Variants in PLPPR3 observed in about 807,000 individuals in gnomAD.
The protein encoded by PLPPR3 is phospholipid phosphatase related 3, also known as phospholipid phosphatase-related protein type 3.
In PLPPR3, 14 loss-of-function variants were observed where a neutral mutation model predicts 27.3. The ratio of observed to expected loss-of-function variants is 0.51; its 90% CI spans 0.34 to 0.80. The LOEUF is 0.80. PLPPR3 is among the 30% of genes least tolerant of loss of function. The pLI, the probability that PLPPR3 is intolerant of heterozygous loss-of-function variation, is 0.01. For missense variants in PLPPR3, 1,287 were observed against 1,056.9 expected (o/e 1.22, Z -3.02); for synonymous variants, 671 against 508.0 (o/e 1.32, Z -4.32).
chr19:818,277 G>A lies in PLPPR3; in HGVS notation c.76-2426C>T, dbSNP rs557001597. Among the ~76,000 whole-genome samples the A allele has an allele frequency of 2.6e-5, 4 of 152,002 alleles. 1 individual carries two copies. Among genetic ancestry groups the A allele is most frequent in the East Asian group, 1.9e-4 (1 of 5,174 alleles). On this transcript the variant is annotated intron_variant, in intron 2 of 7. Coordinates refer to ENST00000520876, the MANE Select transcript of PLPPR3 (RefSeq NM_001270366.2). Reference sequence around the variant, plus strand: ...GCGTGCCTGTAGTCTCAGCTACTCCGGAGGCTAAGGTGGGAGAATCGTTTG... The same window carrying A: ...GCGTGCCTGTAGTCTCAGCTACTCCAGAGGCTAAGGTGGGAGAATCGTTTG...
intron 2 of PLPPR3, among the ~76,000 whole-genome samples, chr19:818,016 A>G (rs752043484): frequency 6.6e-6 from 1 of 151,810 alleles, no homozygotes; most frequent in Non-Finnish European, 1.5e-5. Flanking sequence ...TATCAGCATG[A>G]TTTTGCTGGG....
At chr19:818,387 A>C (rs905397787) in intron 2 of PLPPR3, among the ~76,000 whole-genome samples, 5 of 151,900 alleles carry the variant, frequency 3.3e-5, no homozygotes, top group Non-Finnish European at 7.4e-5. Context: ...CATCTCAAAA[A>C]ATAATAATAA....
rs1332242683 is a variant in PLPPR3, at chr19:819,257, G to A, written c.75+2228C>T. On this transcript the variant is annotated intron_variant, in intron 2 of 7. Coordinates refer to ENST00000520876, the MANE Select transcript of PLPPR3 (RefSeq NM_001270366.2). ...CTCCCAAAGTGCTGGGATGACAGGC[G>A]TGAGCCACTGCACCCAGCCTACTTT... 3.1e-5 allele frequency among the ~76,000 whole-genome samples: 3 copies of A among 96,566 alleles called. 1 individual carries two copies. The highest frequency in any genetic ancestry group is 5.7e-5 in the Non-Finnish European group (3 of 52,228). The allele number at this position is 96,566 out of a possible 152,430, so 63.4% of individuals were successfully genotyped here.
Position 814,537 on chromosome 19 carries a change from A to G in PLPPR3, c.728T>C (p.Ile243Thr). 6.2e-7 allele frequency: 1 copy of G among 1,612,066 alleles called. No individual in the cohort carries two copies. Among genetic ancestry groups the G allele is most frequent in the Non-Finnish European group, 8.5e-7 (1 of 1,179,966 alleles). Residue 243 changes from isoleucine to threonine, a missense_variant, in exon 7 of 8, where the codon ATC becomes ACC. Physicochemically the swap from Ile to Thr is moderately conservative, Grantham distance 89. Transcript: ENST00000520876. ...LKPILVFAFA[I>T]AAGVCGLTQI... Reference sequence around the variant, plus strand: ...CGTGAGCCCGCATACGCCCGCGGCGATGGCAAAGGCGAAGACCAGGATGGG... The same window carrying G: ...CGTGAGCCCGCATACGCCCGCGGCGGTGGCAAAGGCGAAGACCAGGATGGG...
Position 812,537 on chromosome 19 carries a change from G to C in PLPPR3, c.*33C>G, listed in dbSNP as rs1243218707. On this transcript the variant is annotated 3_prime_UTR_variant, in exon 8 of 8. Coordinates refer to ENST00000520876, the MANE Select transcript of PLPPR3 (RefSeq NM_001270366.2). Reference sequence around the variant, plus strand: ...ATCCGCGCGGCCGCCCGCGCCCTCGGCCCGCCCCCCGCCCGCCCCCGGCCC... The same window carrying C: ...ATCCGCGCGGCCGCCCGCGCCCTCGCCCCGCCCCCCGCCCGCCCCCGGCCC... The C allele has an allele frequency of 4.1e-6, 4 of 965,718 alleles. No individual in the cohort carries two copies. The Admixed American group carries it at 1.9e-4, about 45-fold the overall frequency. 59.8% of individuals were successfully genotyped at this position (965,718 alleles called of 1,614,324 possible). A position where few individuals can be genotyped will look rare whatever the true frequency, so the allele number is the denominator to read the frequency against.
In PLPPR3 at chr19:814,415, A is replaced by G; in HGVS notation, c.831+19T>C. Reference sequence around the variant, plus strand: ...CCCCTGGGAACCCATGCCGACCCCCATCAGAACCTGCCACTCACCAGGTAG... The same window carrying G: ...CCCCTGGGAACCCATGCCGACCCCCGTCAGAACCTGCCACTCACCAGGTAG... On this transcript the variant is annotated intron_variant, in intron 7 of 7. Coordinates refer to ENST00000520876, the MANE Select transcript of PLPPR3 (RefSeq NM_001270366.2). The G allele has an allele frequency of 6.3e-7, 1 of 1,584,688 alleles. No individual in the cohort carries two copies. The highest frequency in any genetic ancestry group is 1.1e-5 in the South Asian group (1 of 88,614).
At chr19:821,708 G>A in intron 1 of PLPPR3, 123 bp from the exon 2 acceptor site, 1 of 460,782 alleles carries the variant, frequency 2.2e-6, no homozygotes, top group Non-Finnish European at 3.7e-6. Context: ...CGGCGTCCGC[G>A]TGGCCTCCCC....
intron 2 of PLPPR3, among the ~76,000 whole-genome samples, chr19:818,751 T>C (rs146447071): frequency 0.48 from 72,882 of 151,552 alleles, 18,028 homozygotes; most frequent in African/African-American, 0.61. Flanking sequence ...GCCAGGATGG[T>C]CTCGATCTCC....
rs1568284813 is a variant in PLPPR3, at chr19:814,939, G to A, written c.546C>T (p.Tyr182=). ...GGCCGGAGCAGATGTCCTGCGTGAT[G>A]TAGGGGTTGACCTCGCAGGACGTGC... The part of the protein sequence containing the change: ...LLGTSCEVNP[Y]ITQDICSGHD... Residue 182 remains tyrosine (Y), a synonymous_variant, in exon 5 of 8, where the codon TAC becomes TAT. Coordinates refer to ENST00000520876, the MANE Select transcript of PLPPR3 (RefSeq NM_001270366.2). 5 of 1,612,426 alleles carry A rather than the reference G, an allele frequency of 3.1e-6. No individual in the cohort carries two copies. Among genetic ancestry groups the A allele is most frequent in the Middle Eastern group, 1.7e-4 (1 of 6,060 alleles).
Position 815,033 on chromosome 19 carries a change from A to G in PLPPR3, c.452T>C (p.Ile151Thr), listed in dbSNP as rs1027384656. The change falls in exon 5 of 8, where the codon ATC becomes ACC. Residue 151 changes from isoleucine (I) to threonine (T), a missense_variant. Physicochemically the swap from Ile to Thr is moderately conservative, Grantham distance 89 (BLOSUM62 -1). Coordinates refer to ENST00000520876, the MANE Select transcript of PLPPR3 (RefSeq NM_001270366.2). ...AGTGTGGTAACCCGTGGCCAGCTGG[A>G]TCACGTCCGTCACCAGGGCTGTGGC... is the stretch of plus-strand genomic sequence containing the variant. ...LCATALVTDV[I>T]QLATGYHTPF... The G allele has an allele frequency of 1.2e-6, 2 of 1,609,936 alleles. No individual in the cohort carries two copies. The highest frequency in any genetic ancestry group is 8.5e-7 in the Non-Finnish European group (1 of 1,179,908).
chr19:812,552 GC>G lies in PLPPR3; in HGVS notation c.*17del, dbSNP rs918740868. On this transcript the variant is annotated 3_prime_UTR_variant, in exon 8 of 8. Coordinates refer to ENST00000520876, the MANE Select transcript of PLPPR3 (RefSeq NM_001270366.2). ...CGCGCCCTCGGCCCGCCCCCCGCCC[GC>G]CCCCGGCCCCGCCGCGCTAGTCGGG... The G allele has an allele frequency of 2.5e-5, 9 of 365,790 alleles. No homozygotes were observed. The East Asian group carries it at 6.9e-4, about 28-fold the overall frequency. 22.7% of individuals were successfully genotyped at this position (365,790 alleles called of 1,614,324 possible).
chr19:821,424 GTC>G, intron 2 of PLPPR3, 59 bp downstream of exon 2: 2 of 1,442,980 alleles, frequency 1.4e-6, no homozygotes, highest in Non-Finnish European at 1.9e-6. Flanking sequence ...CAGCGCGGGG[GTC>G]TCTGCGGGCG....
Position 813,961 on chromosome 19 carries a change from G to T in PLPPR3, c.832-66C>A. Reference sequence around the variant, plus strand: ...GAGGGCTCCTCCCCTGTGATCGTTGGACTTGCCGCGGGGGGCTCTGGACCG... The same window carrying T: ...GAGGGCTCCTCCCCTGTGATCGTTGTACTTGCCGCGGGGGGCTCTGGACCG... On this transcript the variant is annotated intron_variant, in intron 7 of 7. Coordinates refer to ENST00000520876, the MANE Select transcript of PLPPR3 (RefSeq NM_001270366.2). This position sits in a 1 kb window ranked among gnomAD's most constrained non-coding sequence, Gnocchi z 4.1. 10 of 1,405,112 alleles carry T rather than the reference G, an allele frequency of 7.1e-6. No individual in the cohort carries two copies. Among genetic ancestry groups the T allele is most frequent in the Non-Finnish European group, 8.3e-6 (9 of 1,086,776 alleles). 87.0% of individuals were successfully genotyped at this position (1,405,112 alleles called of 1,614,324 possible). A position where few individuals can be genotyped will look rare whatever the true frequency, so the allele number is the denominator to read the frequency against.
intron 2 of PLPPR3, among the ~76,000 whole-genome samples, chr19:820,144 G>C (rs1427793044): frequency 6.6e-6 from 1 of 151,760 alleles, no homozygotes; most frequent in East Asian, 1.9e-4. Context: ...CACCACCCCA[G>C]CCTTAAGTTA....
intron 2 of PLPPR3, among the ~76,000 whole-genome samples, chr19:821,258 C>T (rs1314398263): frequency 2.0e-5 from 3 of 149,964 alleles, no homozygotes; most frequent in Non-Finnish European, 4.4e-5. Context: ...AGCACCTGCC[C>T]ACAGTTCCCA....
chr19:815,130 G>T (rs769846213), intron 4 of PLPPR3, 49 bp from the exon 5 acceptor site: 3 of 1,600,136 alleles, frequency 1.9e-6, no homozygotes, highest in Middle Eastern at 1.7e-4. Flanking sequence ...ACCCGGGACA[G>T]CCCCACCCCC....
rs750475202 is a variant in PLPPR3, at chr19:815,838, G to A, written c.89C>T (p.Ala30Val). The part of the protein sequence containing the change: ...CFYFVELPIV[A>V]SSIVSLYFLE... ...GAAGTACAAGGATACGATGGAAGAA[G>A]CCACTATGGGCAGCTGTGGGGACAA... Residue 30 changes from alanine to valine, a missense_variant, in exon 3 of 8, where the codon GCT becomes GTT. Coordinates refer to ENST00000520876, the MANE Select transcript of PLPPR3 (RefSeq NM_001270366.2). 5 of 1,612,556 alleles carry A rather than the reference G, an allele frequency of 3.1e-6. No homozygotes were observed. The highest frequency in any genetic ancestry group is 1.7e-5 in the Admixed American group (1 of 59,966).
chr19:813,021 T>G lies in PLPPR3; in HGVS notation c.1706A>C (p.Tyr569Ser), dbSNP rs1258301051. Residue 569 changes from tyrosine to serine, a missense_variant, in exon 8 of 8, where the codon TAC becomes TCC. Physicochemically the swap from Tyr to Ser is moderately radical, Grantham distance 144. Coordinates refer to ENST00000520876, the MANE Select transcript of PLPPR3 (RefSeq NM_001270366.2). The surrounding 1 kb of genome is among the most constrained non-coding windows in gnomAD (Gnocchi z 4.1). ...GGAGTCGCGGTCCGACGGCGACCGG[T>G]ACTGCGAGGAGTCGGAGCTGGCGCT... is the stretch of plus-strand genomic sequence containing the variant. Reference protein sequence around the residue: ...SSSASSDSSQYRSPSDRDSAS... With the variant: ...SSSASSDSSQSRSPSDRDSAS... The G allele has an allele frequency of 6.6e-7, 1 of 1,519,496 alleles. No individual in the cohort carries two copies. The highest frequency in any genetic ancestry group is 1.2e-5 in the South Asian group (1 of 83,890). The allele number at this position is 1,519,496 out of a possible 1,614,324, so 94.1% of individuals were successfully genotyped here. A position where few individuals can be genotyped will look rare whatever the true frequency, so the allele number is the denominator to read the frequency against.
Position 815,075 on chromosome 19 carries a change from T to C in PLPPR3, c.410A>G (p.His137Arg), listed in dbSNP as rs1225126225. The change falls in exon 5 of 8, where the codon CAC (histidine) becomes CGC (arginine). Residue 137 changes from histidine to arginine, a missense_variant. His to Arg is a conservative substitution (Grantham distance 29, BLOSUM62 0). Transcript: ENST00000520876. ...GGCTGTGGCACACAGGCCGAACACG[T>C]GGACACCTGCAGGGCGGAAGGCTCG... ...LRRTVRFVGV[H>R]VFGLCATALV... 1 of 1,605,456 alleles carries C rather than the reference T, an allele frequency of 6.2e-7. No homozygotes were observed. The highest frequency in any genetic ancestry group is 1.7e-5 in the Admixed American group (1 of 59,984).
Sources: gnomAD v4.1 joint callset for allele counts (sites outside exome capture counted in the v4.1 genomes callset) on GRCh38, gnomAD v4.1.1 for gene constraint, Gnocchi (gnomAD v3.1) non-coding constraint, MANE v1.5 for transcripts, NCBI Gene and HGNC (gene_info 2026-07-23, HGNC 2026-07-21) for gene names.